The following GRIP1 variants were observed in gnomAD, a reference collection of about 807,000 sequenced individuals.
The protein encoded by GRIP1 is glutamate receptor-interacting protein 1.
Under a neutral mutation model 129.9 loss-of-function variants are expected in GRIP1, and 45 were observed. The observed-to-expected ratio is 0.35, with a 90% CI of 0.27 to 0.44. The LOEUF (loss-of-function observed/expected upper bound fraction) is 0.44, where lower values mean the gene tolerates loss of function less well. GRIP1 is among the 20% of genes least tolerant of loss of function. The pLI, the probability that GRIP1 is intolerant of heterozygous loss-of-function variation, is 1.00. For synonymous variants in GRIP1, 530 were observed against 520.8 expected (o/e 1.02, Z -0.24); for missense variants, 1,196 against 1,396.8 (o/e 0.86, Z 2.29).
intron 1 of GRIP1, among the ~76,000 whole-genome samples, chr12:66,899,785 G>C (rs777326801): frequency 6.6e-6 from 1 of 152,200 alleles, no homozygotes; most frequent in Non-Finnish European, 1.5e-5. Context: ...CTACTGCAAT[G>C]AGTGCTGCTG....
intron 1 of GRIP1, among the ~76,000 whole-genome samples, chr12:66,598,536 G>A (rs1036336263): frequency 1.3e-5 from 2 of 152,114 alleles, no homozygotes; most frequent in Non-Finnish European, 2.9e-5. Context: ...AATACAAAAT[G>A]TAAACATTAC....
intron 5 of GRIP1, among the ~76,000 whole-genome samples, chr12:66,522,167 A>G (rs1592476444): frequency 6.6e-6 from 1 of 152,340 alleles, no homozygotes; most frequent in African/African-American, 2.4e-5. Flanking sequence ...TTCTCCCAGC[A>G]TGCAGCTGTA....
intron 23 of GRIP1, among the ~76,000 whole-genome samples, chr12:66,356,761 T>A (rs1382028173): frequency 6.6e-6 from 1 of 152,228 alleles, no homozygotes; most frequent in East Asian, 1.9e-4. Context: ...CTTTCTTTCA[T>A]AAACTCCACA....
At chr12:66,820,410 CA>C (rs948644667) in intron 1 of GRIP1, among the ~76,000 whole-genome samples, 4 of 152,178 alleles carry the variant, frequency 2.6e-5, no homozygotes, top group African/African-American at 9.7e-5. Flanking sequence ...GATGGGAATG[CA>C]AAATGGTACA....
At chr12:66,540,236 C>A (rs1370014334) in intron 3 of GRIP1, among the ~76,000 whole-genome samples, 1 of 152,226 alleles carries the variant, frequency 6.6e-6, no homozygotes, top group Non-Finnish European at 1.5e-5. Flanking sequence ...AGATTGTGAG[C>A]CCCTTTAGGG....
chr12:66,673,672 T>A (rs137905993), intron 1 of GRIP1, among the ~76,000 whole-genome samples: 38 of 152,306 alleles, frequency 2.5e-4, no homozygotes, highest in African/African-American at 8.4e-4. Flanking sequence ...TCCAAGCCAC[T>A]GTTCAATGTA....
chr12:66,961,868 C>T (rs1459872781), intron 1 of GRIP1, among the ~76,000 whole-genome samples: 7 of 152,016 alleles, frequency 4.6e-5, no homozygotes, highest in Non-Finnish European at 7.4e-5. Context: ...ATTGATCAAA[C>T]GAACAAATAT....
chr12:66,972,932 G>A (rs1302127296), intron 1 of GRIP1, among the ~76,000 whole-genome samples: 1 of 152,184 alleles, frequency 6.6e-6, no homozygotes, highest in Non-Finnish European at 1.5e-5. Flanking sequence ...CCCAAACAGG[G>A]TCCGGGGTGA....
chr12:66,471,607 A>G (rs925751476), intron 7 of GRIP1, among the ~76,000 whole-genome samples: 7 of 152,240 alleles, frequency 4.6e-5, no homozygotes, highest in African/African-American at 1.7e-4. Flanking sequence ...AACATAATCA[A>G]TTATGCAGTT....
chr12:66,516,644 C>T (rs2060852206), intron 6 of GRIP1, among the ~76,000 whole-genome samples: 2 of 152,190 alleles, frequency 1.3e-5, no homozygotes, highest in South Asian at 4.1e-4. Flanking sequence ...ACATTTCTGT[C>T]AACTCCAACT....
intron 7 of GRIP1, among the ~76,000 whole-genome samples, chr12:66,498,873 T>C (rs551379175): frequency 6.6e-6 from 1 of 152,154 alleles, no homozygotes; most frequent in Non-Finnish European, 1.5e-5. Flanking sequence ...GTCTTTGTAC[T>C]ACAAGGAGGA....
chr12:67,019,802 ACACACACACACACG>A lies in GRIP1; in HGVS notation c.58+49234_58+49247del, dbSNP rs1592475532. The stretch of plus-strand genomic sequence containing the variant: ...AATAAACAGTAGATTTATAATATAT[ACACACACACACACG>A]CATACACACAGGCACATACACACAC... On this transcript the variant is annotated intron_variant, in intron 1 of 1. Coordinates refer to the GRIP1 transcript ENST00000643019. Among the ~76,000 whole-genome samples, 8 of 140,450 alleles carry A rather than the reference ACACACACACACACG, an allele frequency of 5.7e-5. No homozygotes were observed. The East Asian group carries it at 1.6e-3, about 28-fold the overall frequency. The allele number at this position is 140,450 out of a possible 152,430, so 92.1% of individuals were successfully genotyped here. A position where few individuals can be genotyped will look rare whatever the true frequency, so the allele number is the denominator to read the frequency against.
upstream of GRIP1, among the ~76,000 whole-genome samples, chr12:66,805,383 A>AT (rs61371317): frequency 0.083 from 12,571 of 151,838 alleles, 692 homozygotes; most frequent in Admixed American, 0.16. Flanking sequence ...ATCATGAATA[A>AT]TTTTTTTTTC....
chr12:66,960,506 CAAG>C (rs1438738674), intron 1 of GRIP1, among the ~76,000 whole-genome samples: 1 of 152,004 alleles, frequency 6.6e-6, no homozygotes, highest in African/African-American at 2.4e-5. Flanking sequence ...TTGAAATATC[CAAG>C]AAGACATACC....
chr12:66,597,018 A>G, intron 1 of GRIP1, 91 bp from the exon 2 acceptor site: 1 of 888,160 alleles, frequency 1.1e-6, no homozygotes, highest in Non-Finnish European at 1.9e-6. Context: ...TCTGCGAGAG[A>G]GAAGTGGTAC....
chr12:67,047,936 T>C (rs539457024), intron 1 of GRIP1, among the ~76,000 whole-genome samples: 9 of 152,318 alleles, frequency 5.9e-5, no homozygotes, highest in African/African-American at 1.9e-4. Context: ...GCTTTTCTAA[T>C]CACATAAGTA....
At chr12:66,460,828 T>C (rs1345096023) in intron 9 of GRIP1, among the ~76,000 whole-genome samples, 22 of 152,208 alleles carry the variant, frequency 1.4e-4, no homozygotes, top group African/African-American at 5.3e-4. Flanking sequence ...AATTTGAGAA[T>C]TGTAAACACA....
intron 15 of GRIP1, among the ~76,000 whole-genome samples, chr12:66,409,548 G>A (rs1225547069): frequency 1.3e-5 from 2 of 152,116 alleles, no homozygotes. Flanking sequence ...CGAATACTTA[G>A]AAAGCCTTCC....
At chr12:66,640,999 G>T (rs2031874038) in intron 1 of GRIP1, among the ~76,000 whole-genome samples, 1 of 152,000 alleles carries the variant, frequency 6.6e-6, no homozygotes, top group East Asian at 1.9e-4. Flanking sequence ...TTTTTCCAGA[G>T]GATCCCCTAA....
Sources: gnomAD v4.1 joint callset for allele counts (sites outside exome capture counted in the v4.1 genomes callset) on GRCh38, gnomAD v4.1.1 for gene constraint, MANE v1.5 for transcripts, NCBI Gene and HGNC (gene_info 2026-07-23, HGNC 2026-07-21) for gene names.